Variants in RREB1 observed in about 807,000 individuals in gnomAD.
The protein encoded by RREB1 is ras-responsive element-binding protein 1.
In RREB1, 27 loss-of-function variants were observed where a neutral mutation model predicts 117.8. The observed-to-expected ratio is 0.23, with a 90% CI of 0.17 to 0.32. RREB1 has a LOEUF of 0.32. Among genes scored for constraint, RREB1 ranks in the 10% least tolerant of loss-of-function variants. The pLI is 1.00. For synonymous variants in RREB1, 1,298 were observed against 1,026.7 expected, an observed-to-expected ratio of 1.26 and a Z score of -5.05; for missense variants, 2,577 against 2,378.2, an observed-to-expected ratio of 1.08 and a Z score of -1.74.
intron 5 of RREB1, among the ~76,000 whole-genome samples, chr6:7,188,687 C>A (rs1765237348): frequency 6.6e-6 from 1 of 152,102 alleles, no homozygotes; most frequent in Non-Finnish European, 1.5e-5. Context: ...TAGAAATGTT[C>A]CTTTTTACCG....
chr6:7,165,262 T>C (rs1410554170), intron 1 of RREB1, among the ~76,000 whole-genome samples: 1 of 152,168 alleles, frequency 6.6e-6, no homozygotes, highest in Non-Finnish European at 1.5e-5. Flanking sequence ...TGCCTTCGTG[T>C]GGTCAGCAGG....
chr6:7,246,861 G>T lies in RREB1; in HGVS notation c.4411G>T (p.Gly1471Cys). 1 of 1,552,944 alleles carries T rather than the reference G, an allele frequency of 6.4e-7. No homozygotes were observed. Among genetic ancestry groups the T allele is most frequent in the Non-Finnish European group, 8.7e-7 (1 of 1,148,504 alleles). The change falls in exon 12 of 13, where the codon GGC becomes TGC. Residue 1471 changes from glycine (G) to cysteine (C), a missense_variant. By Grantham distance (159) the Gly-to-Cys change is radical (BLOSUM62 -3). Transcript: ENST00000379938. Reference protein sequence around the residue: ...GTLSRHRKAHGRQEPKDEKGD... With the variant: ...GTLSRHRKAHCRQEPKDEKGD... ...CCTGAGCCGCCACCGGAAGGCGCAC[G>T]GCCGCCAGGAGCCCAAGGACGAGAA...
intron 1 of RREB1, among the ~76,000 whole-genome samples, chr6:7,124,518 C>G (rs1329929862): frequency 6.6e-6 from 1 of 152,064 alleles, no homozygotes; most frequent in African/African-American, 2.4e-5. Flanking sequence ...TCCTAAACAC[C>G]AGAAACTGCA....
Position 7,219,092 on chromosome 6 carries a change from C to CAAAAAAAAAAAAAAAAAA in RREB1, c.708-7361_708-7344dup. The CAAAAAAAAAAAAAAAAAA allele has an allele frequency of 4.9e-5, 2 of 40,512 alleles. 1 individual carries two copies. Among genetic ancestry groups the CAAAAAAAAAAAAAAAAAA allele is most frequent in the Non-Finnish European group, 8.1e-5 (2 of 24,590 alleles). The allele number at this position is 40,512 out of a possible 1,614,324, so 2.5% of individuals were successfully genotyped here. Reference sequence around the variant, plus strand: ...GCGAAACTCCATCTCTACTAAAATACAAAAAAAAAAAAAAAAAAAAAAAAA... The same window carrying CAAAAAAAAAAAAAAAAAA: ...GCGAAACTCCATCTCTACTAAAATACAAAAAAAAAAAAAAAAAAAAAAAAAAAAAAAAAAAAAAAAAAA... On this transcript the variant is annotated intron_variant, in intron 8 of 12. Coordinates refer to ENST00000379938, the MANE Select transcript of RREB1 (RefSeq NM_001003699.4).
rs146650318 is a variant in RREB1, at chr6:7,135,464, T to C, written c.-285+27404T>C. ...TGAAAAACCTGACTTCATTCTCTTGTGGTTCCATTTTCCTTTTTTTCAAAT... is the reference window on the plus strand; with the variant it reads ...TGAAAAACCTGACTTCATTCTCTTGCGGTTCCATTTTCCTTTTTTTCAAAT... On this transcript the variant is annotated intron_variant, in intron 1 of 12. Transcript: ENST00000379938. Among the ~76,000 whole-genome samples the C allele has an allele frequency of 3.5e-4, 53 of 152,292 alleles. 2 individuals carry two copies. In the East Asian group the frequency reaches 9.6e-3, roughly 28 times the overall value.
At chr6:7,149,467 A>C (rs1763017537) in intron 1 of RREB1, among the ~76,000 whole-genome samples, 1 of 152,164 alleles carries the variant, frequency 6.6e-6, no homozygotes, top group African/African-American at 2.4e-5. Context: ...TTACTGTAAA[A>C]AACCATAGAA....
In RREB1 at chr6:7,249,707, A is replaced by G. The variant is rs1429549015; in HGVS notation, c.*739A>G. The G allele has an allele frequency of 6.6e-6, 1 of 152,148 alleles. No homozygotes were observed. The highest frequency in any genetic ancestry group is 1.5e-5 in the Non-Finnish European group (1 of 68,046). The allele number at this position is 152,148 out of a possible 1,614,324, so 9.4% of individuals were successfully genotyped here. ...ACATCCATTCTTAACTATAGAGAAGAGTTACTCCCCTGGCGTCTTAACCTA... is the reference window on the plus strand; with the variant it reads ...ACATCCATTCTTAACTATAGAGAAGGGTTACTCCCCTGGCGTCTTAACCTA... On this transcript the variant is annotated 3_prime_UTR_variant, in exon 13 of 13. Coordinates refer to ENST00000379938, the MANE Select transcript of RREB1 (RefSeq NM_001003699.4).
At chr6:7,212,004 T>C (rs1359593518) in intron 8 of RREB1, 4 of 378,836 alleles carry the variant, frequency 1.1e-5, no homozygotes, top group Non-Finnish European at 1.5e-5. Context: ...TCATGGGTGT[T>C]CTTGGACAAC....
In RREB1 at chr6:7,229,252, C is replaced by T. The variant is rs550430739; in HGVS notation, c.1153C>T (p.Pro385Ser). The change falls in exon 10 of 13, where the codon CCG (proline) becomes TCG (serine). Residue 385 changes from proline to serine, a missense_variant. Coordinates refer to ENST00000379938, the MANE Select transcript of RREB1 (RefSeq NM_001003699.4). The surrounding 1 kb of genome is among the most constrained non-coding windows in gnomAD (Gnocchi z 4.5). ...GCCTGCCCCCGCCGAGGAGCCCCTG[C>T]CGGATGACAACCAGGCAATTCAGCT... ...VRPAPAEEPLPDDNQAIQLQT... is the reference protein window; with the variant it reads ...VRPAPAEEPLSDDNQAIQLQT... 1 of 1,614,154 alleles carries T rather than the reference C, an allele frequency of 6.2e-7. No homozygotes were observed. Among genetic ancestry groups the T allele is most frequent in the African/African-American group, 1.3e-5 (1 of 75,056 alleles).
chr6:7,136,794 C>A lies in RREB1; in HGVS notation c.-285+28734C>A, dbSNP rs544271056. On this transcript the variant is annotated intron_variant, in intron 1 of 12. Coordinates refer to ENST00000379938, the MANE Select transcript of RREB1 (RefSeq NM_001003699.4). ...ACTGAGTTCTGAAGCCTGATGTTTT[C>A]AAGAGTTCTTTATTATCAGGTGGCT... Among the ~76,000 whole-genome samples the A allele has an allele frequency of 1.0e-3, 152 of 152,266 alleles. 1 individual carries two copies. Among genetic ancestry groups the A allele is most frequent in the Non-Finnish European group, 1.9e-3 (129 of 68,020 alleles).
In RREB1 at chr6:7,130,062, C is replaced by T. The variant is rs116625011; in HGVS notation, c.-285+22002C>T. On this transcript the variant is annotated intron_variant, in intron 1 of 12. Transcript: ENST00000379938. The stretch of plus-strand genomic sequence containing the variant: ...CACTTGAGCCCACTCTACTGACTCT[C>T]CCCTCCCTCACTCAATTTTGGAGTC... Among the ~76,000 whole-genome samples, 1,197 of 152,240 alleles carry T rather than the reference C, an allele frequency of 7.9e-3. 10 individuals carry two copies. The highest frequency in any genetic ancestry group is 0.012 in the Non-Finnish European group (816 of 68,018).
rs1767904286 is a variant in RREB1, at chr6:7,230,830, C to T, written c.2731C>T (p.Gln911Ter). The stretch of plus-strand genomic sequence containing the variant: ...CTCGCAGAAGGGCCTGGCCCTGGTC[C>T]AAGTGAAGCAGGAAAACATCTCCTT... ...DFSQKGLALV[Q>*]VKQENISFLS... Residue 911 changes from glutamine to a stop codon, truncating the protein, a stop_gained, in exon 10 of 13, where the codon CAA (glutamine) becomes TAA (stop). Coordinates refer to ENST00000379938, the MANE Select transcript of RREB1 (RefSeq NM_001003699.4). LOFTEE classifies it high-confidence loss of function. 1 of 1,614,134 alleles carries T rather than the reference C, an allele frequency of 6.2e-7. No individual in the cohort carries two copies. The highest frequency in any genetic ancestry group is 1.3e-5 in the African/African-American group (1 of 74,944).
At chr6:7,132,839 T>G (rs1371547071) in intron 1 of RREB1, among the ~76,000 whole-genome samples, 2 of 152,116 alleles carry the variant, frequency 1.3e-5, no homozygotes, top group Non-Finnish European at 2.9e-5. Context: ...CTGTGTTTGT[T>G]GTGGTTGGAG....
intron 1 of RREB1, among the ~76,000 whole-genome samples, chr6:7,165,518 A>T (rs1445091541): frequency 2.0e-5 from 3 of 152,244 alleles, no homozygotes; most frequent in Non-Finnish European, 4.4e-5. Flanking sequence ...ATTTCATGTC[A>T]TGAAAATACT....
At chr6:7,188,864 A>G (rs903338217) in intron 5 of RREB1, among the ~76,000 whole-genome samples, 1 of 152,200 alleles carries the variant, frequency 6.6e-6, no homozygotes, top group Admixed American at 6.5e-5. Context: ...ATATGTGGTC[A>G]CTGAATCTGT....
intron 8 of RREB1, among the ~76,000 whole-genome samples, chr6:7,219,472 TTTGG>T (rs1387768406): frequency 6.6e-6 from 1 of 152,136 alleles, no homozygotes; most frequent in Non-Finnish European, 1.5e-5. Flanking sequence ...ACCTCCTGCC[TTTGG>T]TGACTCAGGC....
At chr6:7,172,920 C>G (rs1458010689) in intron 1 of RREB1, among the ~76,000 whole-genome samples, 1 of 152,206 alleles carries the variant, frequency 6.6e-6, no homozygotes, top group Non-Finnish European at 1.5e-5. Flanking sequence ...TGTCCCCAGC[C>G]TAGCCAAGAC....
chr6:7,229,267 G>A lies in RREB1; in HGVS notation c.1168G>A (p.Ala390Thr). 1 of 1,614,060 alleles carries A rather than the reference G, an allele frequency of 6.2e-7. No homozygotes were observed. Among genetic ancestry groups the A allele is most frequent in the Non-Finnish European group, 8.5e-7 (1 of 1,180,020 alleles). Residue 390 changes from alanine to threonine, a missense_variant, in exon 10 of 13, where the codon GCA (alanine) becomes ACA (threonine). Transcript: ENST00000379938. The surrounding 1 kb of genome is among the most constrained non-coding windows in gnomAD (Gnocchi z 4.5). ...AEEPLPDDNQ[A>T]IQLQTLKCQL... is the part of the protein sequence containing the mutation. Reference sequence around the variant, plus strand: ...GGAGCCCCTGCCGGATGACAACCAGGCAATTCAGCTCCAGACACTCAAGTG... The same window carrying A: ...GGAGCCCCTGCCGGATGACAACCAGACAATTCAGCTCCAGACACTCAAGTG...
Position 7,246,644 on chromosome 6 carries a change from G to A in RREB1, c.4194G>A (p.Glu1398=), listed in dbSNP as rs781694772. 1.9e-6 allele frequency: 3 copies of A among 1,574,366 alleles called. No homozygotes were observed. The highest frequency in any genetic ancestry group is 3.7e-5 in the Admixed American group (2 of 54,472). The change falls in exon 12 of 13, where the codon GAG becomes GAA. Residue 1398 remains glutamate (E), a synonymous_variant. Transcript: ENST00000379938. ...HEPEEEHGTE[E]STGDADGAEE... ...CGGAGGAGGAGCATGGCACTGAGGA[G>A]AGCACTGGGGACGCCGACGGCGCGG...
Sources: allele counts gnomAD v4.1 joint callset (sites outside exome capture counted in the v4.1 genomes callset), GRCh38; gene constraint gnomAD v4.1.1; non-coding constraint Gnocchi (gnomAD v3.1); transcripts MANE v1.5; gene names NCBI Gene and HGNC (gene_info 2026-07-23, HGNC 2026-07-21).